The following PTN variants were observed in gnomAD, a reference collection of about 807,000 sequenced individuals.
PTN encodes pleiotrophin, also known as heparin affin regulatory protein.
Under a neutral mutation model 24.1 loss-of-function variants are expected in PTN, and 18 were observed. The ratio of observed to expected loss-of-function variants is 0.75; its 90% CI spans 0.52 to 1.11. The LOEUF (loss-of-function observed/expected upper bound fraction) is 1.11. Among genes scored for constraint, PTN ranks in the 50% least tolerant of loss-of-function variants. The probability of loss-of-function intolerance (pLI) is 0.00; values close to 1 mark genes in which losing one functional copy is unlikely to be tolerated. For synonymous variants in PTN, 78 were observed against 68.6 expected, an observed-to-expected ratio of 1.14 and a Z score of -0.67; for missense variants, 163 against 198.8, an observed-to-expected ratio of 0.82 and a Z score of 1.08.
At chr7:137,234,471 A>T (rs1808485417) in intron 4 of PTN, among the ~76,000 whole-genome samples, 1 of 152,102 alleles carries the variant, frequency 6.6e-6, no homozygotes, top group Non-Finnish European at 1.5e-5. Context: ...CTATCACAGC[A>T]AAGTTACTCT....
At chr7:137,261,543 C>T (rs1322650253) in intron 1 of PTN, among the ~76,000 whole-genome samples, 1 of 152,032 alleles carries the variant, frequency 6.6e-6, no homozygotes, top group African/African-American at 2.4e-5. Flanking sequence ...CTTACAGGGG[C>T]CAAGGGAAAA....
intron 1 of PTN, among the ~76,000 whole-genome samples, chr7:137,305,652 A>G (rs2128879165): frequency 6.6e-6 from 1 of 152,128 alleles, no homozygotes; most frequent in East Asian, 1.9e-4. Context: ...ATTTTCTAGG[A>G]CTGTCAGATT....
intron 1 of PTN, among the ~76,000 whole-genome samples, chr7:137,342,105 T>A (rs559803625): frequency 3.9e-5 from 6 of 152,332 alleles, no homozygotes; most frequent in African/African-American, 1.2e-4. Context: ...TTTTGTTTCA[T>A]TGTCATTAAC....
At chr7:137,297,442 A>G (rs922957600) in intron 1 of PTN, among the ~76,000 whole-genome samples, 4 of 152,102 alleles carry the variant, frequency 2.6e-5, no homozygotes, top group African/African-American at 9.7e-5. Context: ...AATTTCATGA[A>G]TGCATTATTT....
At chr7:137,317,218 C>T (rs970957407) in intron 1 of PTN, among the ~76,000 whole-genome samples, 2 of 152,190 alleles carry the variant, frequency 1.3e-5, no homozygotes, top group African/African-American at 2.4e-5. Context: ...GCTCTGCTTC[C>T]TCTGCTCCTG....
At chr7:137,331,487 G>C (rs143109097) in intron 1 of PTN, among the ~76,000 whole-genome samples, 2 of 152,176 alleles carry the variant, frequency 1.3e-5, no homozygotes, top group East Asian at 3.9e-4. Flanking sequence ...CTCTGCGATC[G>C]GGAATGTGGT....
chr7:137,252,405 TTTG>T (rs1009093826), intron 3 of PTN, among the ~76,000 whole-genome samples: 4 of 151,910 alleles, frequency 2.6e-5, no homozygotes, highest in African/African-American at 4.9e-5. Context: ...TGTTTTGTTT[TTTG>T]TTGTTGTTGT....
intron 1 of PTN, among the ~76,000 whole-genome samples, chr7:137,272,203 A>T (rs569643111): frequency 1.5e-4 from 23 of 152,228 alleles, no homozygotes; most frequent in Non-Finnish European, 2.8e-4. Flanking sequence ...GCTGAGACCA[A>T]GATGTCTAGA....
chr7:137,304,489 T>G (rs1278699464), intron 1 of PTN, among the ~76,000 whole-genome samples: 1 of 151,740 alleles, frequency 6.6e-6, no homozygotes, highest in African/African-American at 2.4e-5. Context: ...ATGAAACTCA[T>G]TCATCAATAA....
At chr7:137,262,540 C>T (rs183600973) in intron 1 of PTN, among the ~76,000 whole-genome samples, 133 of 151,994 alleles carry the variant, frequency 8.8e-4, no homozygotes, top group African/African-American at 3.1e-3. Context: ...AGACAAAACC[C>T]CTCAGACACC....
At position 137,343,169 on chromosome 7, in the gene PTN, C is replaced by T. The variant is rs538160979; in HGVS notation, c.-2+270G>A. 2.0e-5 allele frequency among the ~76,000 whole-genome samples: 3 copies of T among 152,342 alleles called. No individual in the cohort carries two copies. The South Asian group carries it at 6.2e-4, about 32-fold the overall frequency. On this transcript the variant is annotated intron_variant, in intron 1 of 4. Coordinates refer to ENST00000348225, the MANE Select transcript of PTN (RefSeq NM_002825.7). ...CTTGCTCTCCAGCTGGTAGCTGGAA[C>T]ACGGTCCAAATACATGCTTAACATC...
chr7:137,342,254 T>G (rs1173229282), intron 1 of PTN, among the ~76,000 whole-genome samples: 2 of 152,070 alleles, frequency 1.3e-5, no homozygotes, highest in African/African-American at 4.8e-5. Context: ...TTTTGGTGAT[T>G]TCTAAATCTC....
intron 4 of PTN, among the ~76,000 whole-genome samples, chr7:137,248,066 A>G (rs144634262): frequency 2.6e-5 from 4 of 152,346 alleles, no homozygotes; most frequent in African/African-American, 9.6e-5. Context: ...CCATATGGAA[A>G]ACACCTAGAG....
intron 1 of PTN, among the ~76,000 whole-genome samples, chr7:137,319,262 A>G (rs1810123995): frequency 6.6e-6 from 1 of 152,224 alleles, no homozygotes; most frequent in Non-Finnish European, 1.5e-5. Context: ...CACACTTAAC[A>G]GAATTCTTGT....
At chr7:137,254,798 T>G (rs1215771783) in intron 2 of PTN, 61 bp downstream of exon 2, 2 of 1,129,950 alleles carry the variant, frequency 1.8e-6, no homozygotes, top group African/African-American at 3.0e-5. Context: ...GAAAAGCAGG[T>G]AATTAGACTA....
intron 1 of PTN, among the ~76,000 whole-genome samples, chr7:137,320,846 T>G (rs1810151580): frequency 6.6e-6 from 1 of 152,196 alleles, no homozygotes; most frequent in Non-Finnish European, 1.5e-5. Flanking sequence ...CAACCTGCCC[T>G]ACAGGATACC....
intron 1 of PTN, among the ~76,000 whole-genome samples, chr7:137,315,890 G>A (rs1349318860): frequency 1.3e-5 from 2 of 151,982 alleles, no homozygotes; most frequent in African/African-American, 4.8e-5. Context: ...CTCTGCCACT[G>A]GGTTTGCATA....
chr7:137,327,606 G>A (rs1241716564), intron 1 of PTN, among the ~76,000 whole-genome samples: 2 of 151,784 alleles, frequency 1.3e-5, no homozygotes, highest in Admixed American at 1.3e-4. Flanking sequence ...GACCCGCCTG[G>A]GCAATATAGC....
chr7:137,264,765 T>C (rs1809108086), intron 1 of PTN, among the ~76,000 whole-genome samples: 1 of 152,178 alleles, frequency 6.6e-6, no homozygotes, highest in East Asian at 1.9e-4. Context: ...AATGATGTCC[T>C]TTGGTATTTA....
Sources: allele counts gnomAD v4.1 joint callset (sites outside exome capture counted in the v4.1 genomes callset), GRCh38; gene constraint gnomAD v4.1.1; transcripts MANE v1.5; gene names NCBI Gene and HGNC (gene_info 2026-07-23, HGNC 2026-07-21).